WDR37: variants seen among roughly 807,000 people sequenced by gnomAD.
WDR37 encodes the protein WD repeat-containing protein 37.
WDR37 carries 19 observed loss-of-function variants against 62.9 expected under a neutral mutation model. That is an observed-to-expected ratio of 0.30 (90% CI 0.21 to 0.44). WDR37 has a LOEUF of 0.44. WDR37 is among the 20% of genes least tolerant of loss of function. The pLI is 1.00. For missense variants in WDR37, 474 were observed against 657.6 expected, an observed-to-expected ratio of 0.72 and a Z score of 3.05; for synonymous variants, 250 against 260.9, an observed-to-expected ratio of 0.96 and a Z score of 0.40.
At chr10:1,089,182 A>T (rs1382679905) in intron 7 of WDR37, among the ~76,000 whole-genome samples, 4 of 151,926 alleles carry the variant, frequency 2.6e-5, no homozygotes, top group Non-Finnish European at 5.9e-5. Flanking sequence ...GTCCGCCCTC[A>T]TGCCCAGTTT....
chr10:1,089,630 C>G (rs1009661362), intron 7 of WDR37, among the ~76,000 whole-genome samples: 1 of 151,510 alleles, frequency 6.6e-6, no homozygotes. Context: ...TTCCCATGCT[C>G]ACCCACAATT....
At chr10:1,110,559 C>T (rs139376446) in intron 11 of WDR37, among the ~76,000 whole-genome samples, 1 of 152,170 alleles carries the variant, frequency 6.6e-6, no homozygotes, top group Non-Finnish European at 1.5e-5. Context: ...CGGTTTAGGT[C>T]CTGAGATGTG....
At chr10:1,093,748 G>A (rs928187285) in intron 8 of WDR37, among the ~76,000 whole-genome samples, 7 of 152,156 alleles carry the variant, frequency 4.6e-5, no homozygotes, top group African/African-American at 9.7e-5. Context: ...AAGCCTTTCC[G>A]TACAGCATCA....
Position 1,093,770 on chromosome 10 carries a change from G to C in WDR37, c.649+274G>C, listed in dbSNP as rs935509394. Among the ~76,000 whole-genome samples the C allele has an allele frequency of 2.6e-5, 4 of 152,194 alleles. No individual in the cohort carries two copies. In the South Asian group the frequency reaches 8.3e-4, roughly 31 times the overall value. ...TCCGTACAGCATCAGTATGTTTGCT[G>C]CTCCCCCCGCAGTTCCTGTAGACGG... is the stretch of plus-strand genomic sequence containing the variant. On this transcript the variant is annotated intron_variant, in intron 8 of 13. Transcript: ENST00000263150.
At chr10:1,119,667 AATATT>A (rs2131685123) in intron 11 of WDR37, among the ~76,000 whole-genome samples, 1 of 152,132 alleles carries the variant, frequency 6.6e-6, no homozygotes, top group East Asian at 1.9e-4. Context: ...CTGACCTTAT[AATATT>A]ATAAGTGGCC....
rs149860179 is a variant in WDR37 at position 1,097,641 on chromosome 10, C to G, written c.726+1395C>G. On this transcript the variant is annotated intron_variant, in intron 9 of 13. Coordinates refer to ENST00000263150, the MANE Select transcript of WDR37 (RefSeq NM_014023.4). ...TCCAGTGCTGTGGGGGTGGGGTTGC[C>G]AGGCTGAGCCAAGGGGGTGACACCT... 3.1e-3 allele frequency among the ~76,000 whole-genome samples: 470 copies of G among 152,252 alleles called. 1 individual carries two copies. The highest frequency in any genetic ancestry group is 3.6e-3 in the Non-Finnish European group (243 of 68,014).
intron 2 of WDR37, among the ~76,000 whole-genome samples, chr10:1,073,714 G>A (rs1374768135): frequency 2.0e-5 from 3 of 152,178 alleles, no homozygotes; most frequent in South Asian, 2.1e-4. Context: ...TGTGAGCAGG[G>A]CTAGTTCCTC....
intron 11 of WDR37, among the ~76,000 whole-genome samples, chr10:1,113,599 G>A (rs1048249507): frequency 7.9e-5 from 12 of 152,224 alleles, no homozygotes; most frequent in Non-Finnish European, 1.5e-5. Flanking sequence ...ATGGGAGAAG[G>A]TCAAAATGTC....
chr10:1,126,400 T>G (rs142520540), intron 13 of WDR37, among the ~76,000 whole-genome samples: 8 of 134,760 alleles, frequency 5.9e-5, no homozygotes, highest in Admixed American at 4.2e-4. Context: ...AGCGAGACTG[T>G]GTCTCAGAAA....
At chr10:1,109,263 G>A (rs1835131969) in intron 11 of WDR37, among the ~76,000 whole-genome samples, 1 of 152,186 alleles carries the variant, frequency 6.6e-6, no homozygotes, top group African/African-American at 2.4e-5. Context: ...CTGTTCAGTT[G>A]CCATATTTAA....
intron 11 of WDR37, among the ~76,000 whole-genome samples, chr10:1,110,206 C>G (rs1156249917): frequency 2.0e-5 from 3 of 152,176 alleles, no homozygotes; most frequent in Non-Finnish European, 4.4e-5. Context: ...TTGAGCTTCC[C>G]CTCACCGGCC....
At chr10:1,126,561 G>A (rs1412105575) in intron 13 of WDR37, among the ~76,000 whole-genome samples, 1 of 152,228 alleles carries the variant, frequency 6.6e-6, no homozygotes, top group Non-Finnish European at 1.5e-5. Context: ...TTTGTTCCCC[G>A]AGGCCTCCTG....
chr10:1,069,389 A>ATATATATATATTTTTTTTTT, intron 1 of WDR37, among the ~76,000 whole-genome samples: 3 of 95,806 alleles, frequency 3.1e-5, no homozygotes, highest in African/African-American at 4.7e-5. Flanking sequence ...ATATATATAT[A>ATATATATATATTTTTTTTTT]TTTTTTTTTT....
chr10:1,060,313 A>G (rs1374337686), intron 1 of WDR37, among the ~76,000 whole-genome samples: 3 of 152,228 alleles, frequency 2.0e-5, no homozygotes, highest in Non-Finnish European at 4.4e-5. Flanking sequence ...TGTATTACGT[A>G]CACGGCAACA....
intron 1 of WDR37, among the ~76,000 whole-genome samples, chr10:1,066,201 C>T (rs1166400073): frequency 3.3e-5 from 5 of 152,080 alleles, no homozygotes; most frequent in Admixed American, 6.5e-5. Flanking sequence ...CTGCAACCTC[C>T]GCCTCCCGGG....
intron 13 of WDR37, 105 bp from the exon 14 acceptor site, chr10:1,129,108 T>C (rs1053335451): frequency 1.3e-5 from 19 of 1,503,008 alleles, no homozygotes; most frequent in Middle Eastern, 1.9e-4. Flanking sequence ...GTTGTTTTCC[T>C]ATAACTTACG....
chr10:1,109,995 C>A (rs1254630185), intron 11 of WDR37, among the ~76,000 whole-genome samples: 1 of 152,194 alleles, frequency 6.6e-6, no homozygotes, highest in East Asian at 1.9e-4. Flanking sequence ...TTCACCTGAA[C>A]CACGGGGGTG....
intron 1 of WDR37, among the ~76,000 whole-genome samples, chr10:1,071,875 A>T (rs1684951272): frequency 6.6e-6 from 1 of 152,094 alleles, no homozygotes; most frequent in African/African-American, 2.4e-5. Context: ...TTAAATTTTA[A>T]ACCTCTTTTT....
At position 1,105,564 on chromosome 10, in the gene WDR37, G is replaced by A. The variant is rs988618389; in HGVS notation, c.1103+297G>A. 1.3e-5 allele frequency among the ~76,000 whole-genome samples: 2 copies of A among 152,184 alleles called. No individual in the cohort carries two copies. The highest frequency in any genetic ancestry group is 2.9e-5 in the Non-Finnish European group (2 of 68,038). On this transcript the variant is annotated intron_variant, in intron 11 of 13. Coordinates refer to ENST00000263150, the MANE Select transcript of WDR37 (RefSeq NM_014023.4). This position sits in a 1 kb window ranked among gnomAD's most constrained non-coding sequence, Gnocchi z 5.3. ...GAGAAGAGCAGGGCTGCCAGAGCCT[G>A]TAGCTGAGCACAGGGGCCGGCCACG...
Sources: gnomAD v4.1 joint callset for allele counts (sites outside exome capture counted in the v4.1 genomes callset) on GRCh38, gnomAD v4.1.1 for gene constraint, Gnocchi (gnomAD v3.1) non-coding constraint, MANE v1.5 for transcripts, NCBI Gene and HGNC (gene_info 2026-07-23, HGNC 2026-07-21) for gene names.